The following DIAPH1 variants were observed in gnomAD, a reference collection of about 807,000 sequenced individuals.
DIAPH1 encodes diaphanous related formin 1, also known as protein diaphanous homolog 1.
DIAPH1 carries 46 observed loss-of-function variants against 140.7 expected under a neutral mutation model. The ratio of observed to expected loss-of-function variants is 0.33; its 90% CI spans 0.26 to 0.42. The LOEUF (loss-of-function observed/expected upper bound fraction) is 0.42. Ranked by LOEUF, DIAPH1 falls within the 10% of genes least tolerant of loss-of-function variation. DIAPH1 has a pLI of 1.00. For synonymous variants in DIAPH1, 565 were observed against 551.6 expected (o/e 1.02, Z -0.34); for missense variants, 1,310 against 1,558.7 (o/e 0.84, Z 2.69).
chr5:141,618,659 G>A (rs1249400346), intron 1 of DIAPH1, 139 bp downstream of exon 1: 2 of 578,230 alleles, frequency 3.5e-6, no homozygotes, highest in African/African-American at 2.0e-5. Context: ...TCGGGCTGCA[G>A]AGCTGCGGAC....
chr5:141,535,796 T>C (rs1266270093), intron 18 of DIAPH1, among the ~76,000 whole-genome samples: 2 of 152,192 alleles, frequency 1.3e-5, no homozygotes, highest in Admixed American at 1.3e-4. Flanking sequence ...TATGGGAATA[T>C]CCCCGAAAGG....
chr5:141,584,716 T>C (rs969810458), intron 3 of DIAPH1, among the ~76,000 whole-genome samples: 2 of 152,100 alleles, frequency 1.3e-5, no homozygotes, highest in African/African-American at 4.8e-5. Context: ...CTGGAAACTC[T>C]ATGATAAAGC....
chr5:141,545,239 A>G (rs370479), intron 18 of DIAPH1, among the ~76,000 whole-genome samples: 9,843 of 152,290 alleles, frequency 0.065, 456 homozygotes, highest in Non-Finnish European at 0.096. Context: ...TCAGCCATAT[A>G]ATACTGTACA....
At chr5:141,540,364 C>A (rs898392873) in intron 18 of DIAPH1, among the ~76,000 whole-genome samples, 5 of 151,950 alleles carry the variant, frequency 3.3e-5, no homozygotes, top group African/African-American at 1.2e-4. Context: ...CTCACTGCAA[C>A]CTACGCCTCC....
chr5:141,604,024 T>C (rs1363573298), intron 1 of DIAPH1, among the ~76,000 whole-genome samples: 3 of 152,142 alleles, frequency 2.0e-5, no homozygotes, highest in Non-Finnish European at 4.4e-5. Context: ...TCCAAGTCCA[T>C]CCATACAAAC....
In DIAPH1 at chr5:141,528,590, A is replaced by G. The variant is rs749822608; in HGVS notation, c.3019-8T>C. 41 of 1,614,078 alleles carry G rather than the reference A, an allele frequency of 2.5e-5. No homozygotes were observed. Among genetic ancestry groups the G allele is most frequent in the East Asian group, 1.1e-4 (5 of 44,886 alleles). Reference sequence around the variant, plus strand: ...GGACTTGGTGTCTCGAAGCTTAGAGAAAGAGGAGAAACTGTTAAATCCTGA... The same window carrying G: ...GGACTTGGTGTCTCGAAGCTTAGAGGAAGAGGAGAAACTGTTAAATCCTGA... On this transcript the variant is annotated splice_polypyrimidine_tract_variant and splice_region_variant and intron_variant, in intron 22 of 27. Transcript: ENST00000389054.
intron 1 of DIAPH1, among the ~76,000 whole-genome samples, chr5:141,596,281 C>T (rs1295578227): frequency 1.3e-5 from 2 of 151,778 alleles, no homozygotes; most frequent in East Asian, 1.9e-4. Context: ...TGCAGTGAGC[C>T]GAGATCGCAC....
intron 18 of DIAPH1, among the ~76,000 whole-genome samples, chr5:141,553,182 C>T (rs1330195366): frequency 6.6e-6 from 1 of 152,138 alleles, no homozygotes; most frequent in African/African-American, 2.4e-5. Context: ...ACCCCAGCTA[C>T]CTGGGAAGCT....
chr5:141,561,348 A>T (rs902852405), intron 18 of DIAPH1, among the ~76,000 whole-genome samples: 17 of 151,862 alleles, frequency 1.1e-4, no homozygotes, highest in Non-Finnish European at 2.2e-4. Context: ...TGGTACTTAG[A>T]AGTGAAAAGA....
intron 18 of DIAPH1, among the ~76,000 whole-genome samples, chr5:141,570,198 T>C (rs2099894964): frequency 6.6e-6 from 1 of 152,156 alleles, no homozygotes; most frequent in Admixed American, 6.5e-5. Flanking sequence ...TCATTTGCAA[T>C]GGCACTAAAA....
At chr5:141,614,560 A>T (rs1174842705) in intron 1 of DIAPH1, among the ~76,000 whole-genome samples, 1 of 152,184 alleles carries the variant, frequency 6.6e-6, no homozygotes, top group Admixed American at 6.5e-5. Flanking sequence ...TTTTTAAAAA[A>T]ATTTACCAAC....
intron 18 of DIAPH1, among the ~76,000 whole-genome samples, chr5:141,554,464 C>T (rs2099892241): frequency 1.3e-5 from 2 of 152,014 alleles, no homozygotes; most frequent in South Asian, 4.1e-4. Flanking sequence ...ATGACTTTAC[C>T]AGCTATTATT....
chr5:141,529,690 A>G lies in DIAPH1; in HGVS notation c.2589T>C (p.Phe863=), dbSNP rs1444327928. The change falls in exon 20 of 28, where the codon TTT becomes TTC. Residue 863 remains phenylalanine (F), a synonymous_variant. Coordinates refer to ENST00000389054, the MANE Select transcript of DIAPH1 (RefSeq NM_005219.5). ...DSKTAQNLSI[F]LGSFRMPYQE... ...GATAGGGCATGCGGAAGGAACCCAA[A>G]AAGATTGCTGCCAGAAAATGAGATA... The G allele has an allele frequency of 1.9e-6, 3 of 1,613,768 alleles. No homozygotes were observed. The highest frequency in any genetic ancestry group is 2.5e-6 in the Non-Finnish European group (3 of 1,179,838).
At chr5:141,571,363 T>C (rs950451147) in intron 18 of DIAPH1, 65 bp downstream of exon 18, 1 of 1,316,630 alleles carries the variant, frequency 7.6e-7, no homozygotes. Flanking sequence ...AATTCCTTTA[T>C]ATCTATTTCA....
intron 18 of DIAPH1, among the ~76,000 whole-genome samples, chr5:141,561,611 A>G (rs537871858): frequency 6.6e-6 from 1 of 152,354 alleles, no homozygotes; most frequent in Non-Finnish European, 1.5e-5. Context: ...CACATTATAG[A>G]AAAATTAAAA....
intron 18 of DIAPH1, among the ~76,000 whole-genome samples, chr5:141,545,365 A>G (rs2099890628): frequency 2.0e-5 from 3 of 152,250 alleles, no homozygotes; most frequent in African/African-American, 7.2e-5. Context: ...TAATAGTGTG[A>G]GAACAGCTGG....
intron 1 of DIAPH1, among the ~76,000 whole-genome samples, chr5:141,600,205 C>T (rs1042654780): frequency 3.3e-5 from 5 of 152,164 alleles, no homozygotes; most frequent in South Asian, 2.1e-4. Flanking sequence ...AACAGTTCCC[C>T]GGTGACAGAC....
chr5:141,516,869 C>T lies in DIAPH1; in HGVS notation c.3801G>A (p.Leu1267=). The change falls in exon 28 of 28, where the codon TTG becomes TTA. Residue 1267 remains leucine (L), a synonymous_variant. Transcript: ENST00000389054. The part of the protein sequence containing the change: ...FPTILEEAKE[L]VGRAS ...ACCCACATTAGCTTGCACGGCCAAC[C>T]AACTCCTTGGCTTCCTCAAGGATTG... 1 of 1,614,220 alleles carries T rather than the reference C, an allele frequency of 6.2e-7. No individual in the cohort carries two copies. The highest frequency in any genetic ancestry group is 8.5e-7 in the Non-Finnish European group (1 of 1,180,048).
At chr5:141,596,136 T>A (rs1471490002) in intron 1 of DIAPH1, among the ~76,000 whole-genome samples, 1 of 152,156 alleles carries the variant, frequency 6.6e-6, no homozygotes, top group Non-Finnish European at 1.5e-5. Context: ...GAGACCATCC[T>A]GGCTAACACA....
Sources: allele counts gnomAD v4.1 joint callset (sites outside exome capture counted in the v4.1 genomes callset), GRCh38; gene constraint gnomAD v4.1.1; transcripts MANE v1.5; gene names NCBI Gene and HGNC (gene_info 2026-07-23, HGNC 2026-07-21).